NAE1: variants seen among roughly 807,000 people sequenced by gnomAD.
NAE1 encodes the protein NEDD8-activating enzyme E1 regulatory subunit.
Under a neutral mutation model 88.0 loss-of-function variants are expected in NAE1, and 59 were observed. The ratio of observed to expected loss-of-function variants is 0.67; its 90% CI spans 0.54 to 0.83. The LOEUF (loss-of-function observed/expected upper bound fraction) is 0.83. Ranked by LOEUF, NAE1 falls within the 40% of genes least tolerant of loss-of-function variation. The pLI, the probability that NAE1 is intolerant of heterozygous loss-of-function variation, is 0.00. For missense variants in NAE1, 554 were observed against 632.8 expected (o/e 0.88, Z 1.34); for synonymous variants, 186 against 208.9 (o/e 0.89, Z 0.95).
intron 17 of NAE1, among the ~76,000 whole-genome samples, chr16:66,807,645 A>G (rs957838492): frequency 4.3e-5 from 3 of 69,774 alleles, no homozygotes; most frequent in African/African-American, 1.0e-4. Flanking sequence ...GTCTCAAAAG[A>G]AAAAAAAAAA....
chr16:66,810,249 T>C (rs1959739116), intron 15 of NAE1, 125 bp downstream of exon 15: 1 of 703,134 alleles, frequency 1.4e-6, no homozygotes, highest in African/African-American at 1.9e-5. Context: ...ACCCAATAAT[T>C]ATCTATATCT....
chr16:66,827,610 G>T, intron 1 of NAE1: 1 of 181,240 alleles, frequency 5.5e-6, no homozygotes, highest in Non-Finnish European at 1.2e-5. Flanking sequence ...AGTTAAGTTA[G>T]ATGCATTTAA....
chr16:66,819,530 A>C (rs1307771777), intron 7 of NAE1, among the ~76,000 whole-genome samples: 3 of 152,154 alleles, frequency 2.0e-5, no homozygotes, highest in Non-Finnish European at 4.4e-5. Context: ...GCAGATATTA[A>C]AGTATCTACA....
chr16:66,820,719 G>A (rs1237535070), intron 7 of NAE1, among the ~76,000 whole-genome samples: 2 of 152,126 alleles, frequency 1.3e-5, no homozygotes, highest in African/African-American at 4.8e-5. Context: ...GGCTAACATG[G>A]TGAAACCCCA....
intron 16 of NAE1, 54 bp downstream of exon 16, chr16:66,808,935 A>G (rs1490158499): frequency 4.1e-6 from 5 of 1,215,346 alleles, no homozygotes; most frequent in South Asian, 1.5e-5. Context: ...CAAAATATTT[A>G]TATCTTTTAA....
At chr16:66,824,172 G>C (rs1960371460) in intron 4 of NAE1, among the ~76,000 whole-genome samples, 1 of 152,166 alleles carries the variant, frequency 6.6e-6, no homozygotes, top group Non-Finnish European at 1.5e-5. Context: ...AAAAACTCTG[G>C]GTAGCAGGCA....
At chr16:66,812,356 T>C (rs1406236592) in intron 13 of NAE1, among the ~76,000 whole-genome samples, 1 of 152,150 alleles carries the variant, frequency 6.6e-6, no homozygotes, top group African/African-American at 2.4e-5. Flanking sequence ...GTGTGTTAAA[T>C]TACTTAATAC....
At position 66,817,420 on chromosome 16, in the gene NAE1, C is replaced by T; in HGVS notation, c.684+5G>A. The T allele has an allele frequency of 1.9e-6, 3 of 1,598,154 alleles. No individual in the cohort carries two copies. Among genetic ancestry groups the T allele is most frequent in the Non-Finnish European group, 2.6e-6 (3 of 1,167,116 alleles). On this transcript the variant is annotated splice_donor_5th_base_variant and intron_variant, in intron 9 of 19. Coordinates refer to ENST00000290810, the MANE Select transcript of NAE1 (RefSeq NM_003905.4). ...ATATGAAATTTTTTTTAAAAAAGGA[C>T]ATACTTCACTATACCACTGTGCTAA...
rs557671564 is a variant in NAE1 at position 66,820,980 on chromosome 16, A to G, written c.511+470T>C. ...GATACTTGGGAGGCTGAGGCAGGAG[A>G]ATCAGTTGAACCCGGGAGGTGGAGG... On this transcript the variant is annotated intron_variant, in intron 7 of 19. Transcript: ENST00000290810. Among the ~76,000 whole-genome samples the G allele has an allele frequency of 1.1e-3, 165 of 151,684 alleles. 1 individual carries two copies. The highest frequency in any genetic ancestry group is 3.7e-3 in the African/African-American group (154 of 41,330).
intron 13 of NAE1, among the ~76,000 whole-genome samples, chr16:66,812,862 G>T (rs1343713555): frequency 1.6e-5 from 2 of 128,724 alleles, no homozygotes; most frequent in South Asian, 2.5e-4. Flanking sequence ...TCACTCTGTC[G>T]CCCAGGCTGG....
intron 6 of NAE1, among the ~76,000 whole-genome samples, chr16:66,822,433 C>A (rs955668459): frequency 6.6e-6 from 1 of 151,678 alleles, no homozygotes; most frequent in African/African-American, 2.4e-5. Context: ...TAGCCGGGCA[C>A]GGTGGCACAT....
At chr16:66,812,862 G>A (rs1343713555) in intron 13 of NAE1, among the ~76,000 whole-genome samples, 17 of 128,804 alleles carry the variant, frequency 1.3e-4, no homozygotes, top group Admixed American at 9.5e-4. Flanking sequence ...TCACTCTGTC[G>A]CCCAGGCTGG....
At chr16:66,806,353 TAA>T (rs1195468951) in intron 17 of NAE1, among the ~76,000 whole-genome samples, 1 of 152,218 alleles carries the variant, frequency 6.6e-6, no homozygotes, top group African/African-American at 2.4e-5. Flanking sequence ...ATACCCTTTA[TAA>T]AAGTTATTCT....
chr16:66,823,783 G>T (rs1402435233), intron 4 of NAE1, among the ~76,000 whole-genome samples, 183 bp from the exon 5 acceptor site: 1 of 152,148 alleles, frequency 6.6e-6, no homozygotes, highest in Non-Finnish European at 1.5e-5. Context: ...CCAGTTTGTA[G>T]CATAGTGGCC....
chr16:66,825,541 T>C (rs983759000), intron 3 of NAE1, among the ~76,000 whole-genome samples: 3 of 152,138 alleles, frequency 2.0e-5, no homozygotes, highest in Non-Finnish European at 4.4e-5. Flanking sequence ...TAAAATCTTA[T>C]GGTAAAGAAA....
intron 11 of NAE1, among the ~76,000 whole-genome samples, chr16:66,814,103 G>A (rs554540985): frequency 2.3e-4 from 35 of 152,086 alleles, no homozygotes; most frequent in Non-Finnish European, 3.7e-4. Flanking sequence ...GGGTAAAGAA[G>A]GGGCCCCAGT....
At position 66,806,774 on chromosome 16, in the gene NAE1, T is replaced by A. The variant is rs75434134; in HGVS notation, c.1331-748A>T. Reference sequence around the variant, plus strand: ...TGGACACTGTTCTAAGGACCTTATATCTATATTAATTGATTGAATCCTCAA... The same window carrying A: ...TGGACACTGTTCTAAGGACCTTATAACTATATTAATTGATTGAATCCTCAA... On this transcript the variant is annotated intron_variant, in intron 17 of 19. Transcript: ENST00000290810. 6.6e-3 allele frequency among the ~76,000 whole-genome samples: 1,009 copies of A among 152,188 alleles called. 5 individuals carry two copies. Among genetic ancestry groups the A allele is most frequent in the Non-Finnish European group, 0.011 (754 of 67,964 alleles).
At chr16:66,818,995 G>C (rs1960155890) in intron 7 of NAE1, among the ~76,000 whole-genome samples, 1 of 152,148 alleles carries the variant, frequency 6.6e-6, no homozygotes, top group African/African-American at 2.4e-5. Context: ...TGGCAATACT[G>C]ATGACAATAC....
At chr16:66,829,086 A>G (rs140704256) in intron 1 of NAE1, among the ~76,000 whole-genome samples, 2 of 152,200 alleles carry the variant, frequency 1.3e-5, no homozygotes, top group East Asian at 3.9e-4. Context: ...TGCTGGCCCA[A>G]CTAACGTGAA....
Sources: allele counts gnomAD v4.1 joint callset (sites outside exome capture counted in the v4.1 genomes callset), GRCh38; gene constraint gnomAD v4.1.1; transcripts MANE v1.5; gene names NCBI Gene and HGNC (gene_info 2026-07-23, HGNC 2026-07-21).